The following ULK4 variants were observed in gnomAD, a reference collection of about 807,000 sequenced individuals.
ULK4 encodes unc-51 like kinase 4.
ULK4 carries 133 observed loss-of-function variants against 160.6 expected under a neutral mutation model. The observed-to-expected ratio is 0.83, with a 90% confidence interval of 0.72 to 0.96. ULK4 has a LOEUF of 0.96. Among genes scored for constraint, ULK4 ranks in the 40% least tolerant of loss-of-function variants. The probability of loss-of-function intolerance (pLI) is 0.00; values close to 1 mark genes in which losing one functional copy is unlikely to be tolerated. For missense variants in ULK4, 1,580 were observed against 1,499.5 expected, an observed-to-expected ratio of 1.05 and a Z score of -0.89; for synonymous variants, 534 against 539.8, an observed-to-expected ratio of 0.99 and a Z score of 0.15.
intron 35 of ULK4, among the ~76,000 whole-genome samples, chr3:41,284,600 T>C (rs1451493025): frequency 1.3e-5 from 2 of 152,170 alleles, no homozygotes; most frequent in East Asian, 3.8e-4. Context: ...CAACTCAAGA[T>C]GGATTAAGAA....
chr3:41,895,375 T>C (rs557556187), intron 16 of ULK4, 143 bp downstream of exon 16: 1 of 383,650 alleles, frequency 2.6e-6, no homozygotes, highest in African/African-American at 2.1e-5. Context: ...GGAATGCCCA[T>C]AAAAATTGCC....
At chr3:41,785,795 A>G (rs2039982937) in intron 21 of ULK4, among the ~76,000 whole-genome samples, 3 of 152,244 alleles carry the variant, frequency 2.0e-5, no homozygotes, top group Non-Finnish European at 2.9e-5. Context: ...ACCCCTTAGG[A>G]AGGCCAATAT....
At chr3:41,370,277 T>C (rs1389611985) in intron 35 of ULK4, among the ~76,000 whole-genome samples, 1 of 152,128 alleles carries the variant, frequency 6.6e-6, no homozygotes, top group Non-Finnish European at 1.5e-5. Context: ...ATGAAATCCA[T>C]AATGTTTCTA....
chr3:41,773,280 T>G (rs2039471828), intron 21 of ULK4, among the ~76,000 whole-genome samples: 1 of 152,180 alleles, frequency 6.6e-6, no homozygotes. Flanking sequence ...GAAGTCAAAT[T>G]GTCCCTGTTT....
At chr3:41,618,256 T>C (rs1575488912) in intron 30 of ULK4, among the ~76,000 whole-genome samples, 2 of 152,186 alleles carry the variant, frequency 1.3e-5, no homozygotes, top group Admixed American at 6.5e-5. Context: ...AACATTCAAA[T>C]TCAGGAACTA....
At position 41,839,237 on chromosome 3, in the gene ULK4, G is replaced by A. The variant is rs1405605732; in HGVS notation, c.1657-3266C>T. ...TGCCTGTAATCCCAGCTACTCAGGA[G>A]GCCAAGGCAGGAGAATCACTTGAAC... On this transcript the variant is annotated intron_variant, in intron 17 of 36. Transcript: ENST00000301831. Among the ~76,000 whole-genome samples, 5 of 152,022 alleles carry A rather than the reference G, an allele frequency of 3.3e-5. No homozygotes were observed. The East Asian group carries it at 9.7e-4, about 29-fold the overall frequency.
chr3:41,403,191 T>A (rs189061075), intron 34 of ULK4, among the ~76,000 whole-genome samples: 63 of 152,196 alleles, frequency 4.1e-4, no homozygotes, highest in African/African-American at 1.5e-3. Context: ...TGATACTTAA[T>A]TCTTCTGTAA....
intron 31 of ULK4, 105 bp downstream of exon 31, chr3:41,615,564 C>T: frequency 9.4e-7 from 1 of 1,058,994 alleles, no homozygotes; most frequent in Non-Finnish European, 1.4e-6. Flanking sequence ...GACGTACAAT[C>T]CTTCAGGGCA....
At chr3:41,875,487 C>A (rs1697264467) in intron 17 of ULK4, among the ~76,000 whole-genome samples, 1 of 152,102 alleles carries the variant, frequency 6.6e-6, no homozygotes, top group African/African-American at 2.4e-5. Flanking sequence ...AAAAAAATAG[C>A]TGGCCATGGT....
intron 32 of ULK4, among the ~76,000 whole-genome samples, chr3:41,546,551 T>C (rs925725215): frequency 6.6e-6 from 1 of 152,086 alleles, no homozygotes; most frequent in African/African-American, 2.4e-5. Flanking sequence ...CCTAACGTAA[T>C]CTTGCTCTGT....
At chr3:41,909,025 G>A (rs1303884660) in intron 11 of ULK4, among the ~76,000 whole-genome samples, 2 of 148,016 alleles carry the variant, frequency 1.4e-5, no homozygotes, top group African/African-American at 4.9e-5. Context: ...CTCAGGAGGT[G>A]GAGATTGCAG....
chr3:41,315,937 G>A (rs2080135808), intron 35 of ULK4, among the ~76,000 whole-genome samples: 1 of 152,180 alleles, frequency 6.6e-6, no homozygotes, highest in Admixed American at 6.5e-5. Flanking sequence ...CTCATACACT[G>A]CTGGTAGGAC....
intron 35 of ULK4, among the ~76,000 whole-genome samples, chr3:41,384,273 T>G (rs1195190415): frequency 6.6e-6 from 1 of 151,782 alleles, no homozygotes; most frequent in Non-Finnish European, 1.5e-5. Flanking sequence ...AGATATTCCA[T>G]AAGACAAGTG....
intron 2 of ULK4, among the ~76,000 whole-genome samples, chr3:41,953,783 C>G (rs1019025329): frequency 6.6e-6 from 1 of 152,120 alleles, no homozygotes; most frequent in Non-Finnish European, 1.5e-5. Flanking sequence ...CTCAGTGGCT[C>G]CTGCCTGTAA....
rs763995303 is a variant in ULK4 at position 41,896,950 on chromosome 3, C to T, written c.1402G>A (p.Val468Met). ...DQDWNDFLQQ[V>M]CSQIDSTEKS... ...TCAGTGGAGTCGATCTGCGAGCACA[C>T]TTGTTGCAAAAAGTCATTCCAATCT... Residue 468 changes from valine to methionine, a missense_variant, in exon 15 of 37, where the codon GTG (valine) becomes ATG (methionine). Transcript: ENST00000301831. 2.5e-6 allele frequency: 4 copies of T among 1,613,142 alleles called. No individual in the cohort carries two copies. Among genetic ancestry groups the T allele is most frequent in the Non-Finnish European group, 3.4e-6 (4 of 1,179,808 alleles).
chr3:41,521,863 T>C (rs1222585416), intron 32 of ULK4, among the ~76,000 whole-genome samples: 1 of 152,224 alleles, frequency 6.6e-6, no homozygotes, highest in African/African-American at 2.4e-5. Flanking sequence ...TAGATTCAAA[T>C]GCAGCTATTT....
At position 41,858,640 on chromosome 3, in the gene ULK4, G is replaced by C. The variant is rs747976924; in HGVS notation, c.1657-22669C>G. On this transcript the variant is annotated intron_variant, in intron 17 of 36. Coordinates refer to ENST00000301831, the MANE Select transcript of ULK4 (RefSeq NM_017886.4). Reference sequence around the variant, plus strand: ...CCCAAGTAACAGGAACTACAGGCACGTGCCACCATGCTTGGCTAATTTTTG... The same window carrying C: ...CCCAAGTAACAGGAACTACAGGCACCTGCCACCATGCTTGGCTAATTTTTG... Among the ~76,000 whole-genome samples the C allele has an allele frequency of 2.7e-5, 4 of 146,626 alleles. 1 individual carries two copies. The highest frequency in any genetic ancestry group is 3.0e-5 in the Non-Finnish European group (2 of 67,162).
At chr3:41,848,214 C>A (rs1429141466) in intron 17 of ULK4, among the ~76,000 whole-genome samples, 1 of 152,150 alleles carries the variant, frequency 6.6e-6, no homozygotes, top group Non-Finnish European at 1.5e-5. Flanking sequence ...TAGATTCCTT[C>A]TCTTAAAGAT....
intron 22 of ULK4, among the ~76,000 whole-genome samples, chr3:41,743,366 G>T (rs113818887): frequency 0.012 from 1,793 of 151,470 alleles, 78 homozygotes; most frequent in African/African-American, 0.041. Flanking sequence ...AGTTCTAAAT[G>T]CAGTAATCTT....
Sources: allele counts gnomAD v4.1 joint callset (sites outside exome capture counted in the v4.1 genomes callset), GRCh38; gene constraint gnomAD v4.1.1; transcripts MANE v1.5; gene names NCBI Gene and HGNC (gene_info 2026-07-23, HGNC 2026-07-21).